Variants in PPM1L observed in about 807,000 individuals in gnomAD.
PPM1L encodes protein phosphatase 1L.
A neutral mutation model predicts 31.4 loss-of-function variants in PPM1L; 13 were observed. The ratio of observed to expected loss-of-function variants is 0.41; its 90% CI spans 0.27 to 0.66. The LOEUF (loss-of-function observed/expected upper bound fraction) is 0.66, where lower values mean the gene tolerates loss of function less well. PPM1L is among the 30% of genes least tolerant of loss of function. The probability of loss-of-function intolerance (pLI) is 0.29; values close to 1 mark genes in which losing one functional copy is unlikely to be tolerated. For missense variants in PPM1L, 326 were observed against 453.7 expected, an observed-to-expected ratio of 0.72 and a Z score of 2.56; for synonymous variants, 184 against 175.4, an observed-to-expected ratio of 1.05 and a Z score of -0.39.
In PPM1L at chr3:160,756,344, G is replaced by C; in HGVS notation, c.36G>C (p.Leu12=). Residue 12 remains leucine, a synonymous_variant, in exon 1 of 4, where the codon CTG becomes CTC. Transcript: ENST00000498165. This position sits in a 1 kb window ranked among gnomAD's most constrained non-coding sequence, Gnocchi z 6.2. The stretch of plus-strand genomic sequence containing the variant: ...ATACAATGACTTTGCTGTCTCTGCT[G>C]GGTCGCATCATGCGCTACTTCTTGC... ...IEDTMTLLSL[L]GRIMRYFLLR... 1 of 1,614,150 alleles carries C rather than the reference G, an allele frequency of 6.2e-7. No homozygotes were observed. The highest frequency in any genetic ancestry group is 8.5e-7 in the Non-Finnish European group (1 of 1,179,990).
rs530767454 is a variant in PPM1L, at chr3:160,901,934, C to CA, written c.400-59795dup. On this transcript the variant is annotated intron_variant, in intron 1 of 3. Transcript: ENST00000498165. The stretch of plus-strand genomic sequence containing the variant: ...AGTTGGTCTCATTTGTTCATTTTGT[C>CA]AAAAAAATCCTTTTAAATTTCTGAT... Among the ~76,000 whole-genome samples the CA allele has an allele frequency of 1.9e-3, 294 of 151,870 alleles. 3 individuals carry two copies. The highest frequency in any genetic ancestry group is 0.017 in the Middle Eastern group (5 of 294).
At chr3:160,802,985 T>C (rs1379091249) in intron 1 of PPM1L, among the ~76,000 whole-genome samples, 1 of 152,202 alleles carries the variant, frequency 6.6e-6, no homozygotes, top group Non-Finnish European at 1.5e-5. Flanking sequence ...CCTTCATGGA[T>C]TAACTTCAAG....
chr3:160,926,593 C>T (rs555421904), intron 1 of PPM1L, among the ~76,000 whole-genome samples: 1 of 152,268 alleles, frequency 6.6e-6, no homozygotes. Flanking sequence ...CAAAAGTGTA[C>T]ATTGAATTGA....
chr3:161,018,018 A>G (rs969716299), intron 2 of PPM1L, among the ~76,000 whole-genome samples: 1 of 152,204 alleles, frequency 6.6e-6, no homozygotes, highest in East Asian at 1.9e-4. Flanking sequence ...AAAGCTTAAA[A>G]TTAATAACAG....
intron 2 of PPM1L, among the ~76,000 whole-genome samples, chr3:161,045,997 G>A (rs1310652942): frequency 6.6e-6 from 1 of 150,844 alleles, no homozygotes; most frequent in Middle Eastern, 3.2e-3. Flanking sequence ...TGTAGTCCCA[G>A]CTACTCGGGA....
At chr3:160,923,662 TCA>T (rs1714493422) in intron 1 of PPM1L, among the ~76,000 whole-genome samples, 1 of 152,304 alleles carries the variant, frequency 6.6e-6, no homozygotes, top group East Asian at 1.9e-4. Flanking sequence ...TAAGAAAATA[TCA>T]GTTTCCTCTT....
rs1039418845 is a variant in PPM1L, at chr3:160,858,371, T to C, written c.399+101664T>C. ...AATTGATTCTCCTGCCTCAGCCTCCTGAGTAGCTAGGATTGCAGGAGCCTG... is the reference window on the plus strand; with the variant it reads ...AATTGATTCTCCTGCCTCAGCCTCCCGAGTAGCTAGGATTGCAGGAGCCTG... On this transcript the variant is annotated intron_variant, in intron 1 of 3. Transcript: ENST00000498165. 3.9e-5 allele frequency among the ~76,000 whole-genome samples: 6 copies of C among 152,098 alleles called. No individual in the cohort carries two copies. The East Asian group carries it at 9.6e-4, about 24-fold the overall frequency.
intron 1 of PPM1L, among the ~76,000 whole-genome samples, chr3:160,932,468 A>G (rs1339734362): frequency 6.6e-6 from 1 of 152,228 alleles, no homozygotes; most frequent in Non-Finnish European, 1.5e-5. Context: ...CTTAGCTACA[A>G]GCTGAGGGTG....
chr3:160,933,368 G>A (rs189758508), intron 1 of PPM1L, among the ~76,000 whole-genome samples: 1 of 152,016 alleles, frequency 6.6e-6, no homozygotes, highest in Non-Finnish European at 1.5e-5. Flanking sequence ...AAGCCCAATA[G>A]AAAACAAGGC....
intron 2 of PPM1L, among the ~76,000 whole-genome samples, chr3:160,997,268 A>ATG (rs1398603479): frequency 1.3e-5 from 2 of 152,170 alleles, no homozygotes; most frequent in African/African-American, 4.8e-5. Context: ...GGGACAGTAA[A>ATG]TGCTTGCAAC....
At chr3:160,868,410 A>G (rs1195282155) in intron 1 of PPM1L, among the ~76,000 whole-genome samples, 2 of 152,228 alleles carry the variant, frequency 1.3e-5, no homozygotes, top group African/African-American at 4.8e-5. Context: ...CTAGAGAATT[A>G]GGGTAAAATT....
chr3:161,064,749 C>T (rs1719672935), intron 2 of PPM1L, among the ~76,000 whole-genome samples: 1 of 152,112 alleles, frequency 6.6e-6, no homozygotes, highest in African/African-American at 2.4e-5. Context: ...CGTCTTCAAT[C>T]TTGCTTTCTT....
chr3:160,900,234 A>G (rs755372506), intron 1 of PPM1L, among the ~76,000 whole-genome samples: 5 of 152,106 alleles, frequency 3.3e-5, no homozygotes, highest in Non-Finnish European at 7.4e-5. Context: ...TTTCTACTCC[A>G]TCAGATGGTC....
intron 1 of PPM1L, among the ~76,000 whole-genome samples, chr3:160,769,904 G>A (rs1715205259): frequency 6.6e-6 from 1 of 152,184 alleles, no homozygotes; most frequent in Non-Finnish European, 1.5e-5. Context: ...CCTCGCAATG[G>A]TCTAGGCTAC....
At chr3:161,055,945 A>C (rs1719397628) in intron 2 of PPM1L, among the ~76,000 whole-genome samples, 1 of 152,164 alleles carries the variant, frequency 6.6e-6, no homozygotes, top group Non-Finnish European at 1.5e-5. Flanking sequence ...AATTCCACAC[A>C]ACTTTCTCTA....
intron 2 of PPM1L, among the ~76,000 whole-genome samples, chr3:160,996,171 A>G (rs1717316173): frequency 1.3e-5 from 2 of 152,194 alleles, no homozygotes; most frequent in Non-Finnish European, 2.9e-5. Context: ...TGAAAAGGGA[A>G]CACTTCTACA....
intron 3 of PPM1L, 50 bp from the exon 4 acceptor site, chr3:161,068,761 T>G: frequency 6.7e-7 from 1 of 1,481,808 alleles, no homozygotes; most frequent in Non-Finnish European, 9.2e-7. Context: ...CTATCCCAGG[T>G]AAGTGAGATA....
At chr3:160,944,783 TTA>T (rs1304314117) in intron 1 of PPM1L, among the ~76,000 whole-genome samples, 16 of 52,574 alleles carry the variant, frequency 3.0e-4, no homozygotes, top group African/African-American at 7.9e-4. Flanking sequence ...ATATATTATA[TTA>T]TATATGTTAT....
intron 1 of PPM1L, among the ~76,000 whole-genome samples, chr3:160,904,273 A>G (rs558295829): frequency 6.6e-6 from 1 of 152,344 alleles, no homozygotes; most frequent in African/African-American, 2.4e-5. Context: ...CATCCATATA[A>G]TAAAATATTA....
Sources: allele counts gnomAD v4.1 joint callset (sites outside exome capture counted in the v4.1 genomes callset), GRCh38; gene constraint gnomAD v4.1.1; non-coding constraint Gnocchi (gnomAD v3.1); transcripts MANE v1.5; gene names NCBI Gene and HGNC (gene_info 2026-07-23, HGNC 2026-07-21).